The following MAGI2 variants were observed in gnomAD, a reference collection of about 807,000 sequenced individuals.
The protein encoded by MAGI2 is membrane associated guanylate kinase, WW and PDZ domain containing 2.
MAGI2 carries 35 observed loss-of-function variants against 133.3 expected under a neutral mutation model. The observed-to-expected ratio is 0.26, with a 90% CI of 0.20 to 0.35. The LOEUF (loss-of-function observed/expected upper bound fraction) is 0.35, where lower values mean the gene tolerates loss of function less well. Ranked by LOEUF, MAGI2 falls within the 10% of genes least tolerant of loss-of-function variation. The pLI, the probability that MAGI2 is intolerant of heterozygous loss-of-function variation, is 1.00. For missense variants in MAGI2, 1,636 were observed against 1,863.4 expected (o/e 0.88, Z 2.25); for synonymous variants, 729 against 710.6 (o/e 1.03, Z -0.41).
intron 6 of MAGI2, among the ~76,000 whole-genome samples, chr7:78,441,519 GT>G (rs1787631142): frequency 6.6e-6 from 1 of 152,064 alleles, no homozygotes; most frequent in African/African-American, 2.4e-5. Context: ...AGGGATTTTG[GT>G]TACCTAAGCT....
intron 2 of MAGI2, among the ~76,000 whole-genome samples, chr7:78,668,421 T>C (rs1259586618): frequency 6.6e-6 from 1 of 150,674 alleles, no homozygotes; most frequent in Non-Finnish European, 1.5e-5. Flanking sequence ...GTCAATTTTG[T>C]CTTTTGTTGC....
intron 2 of MAGI2, among the ~76,000 whole-genome samples, chr7:78,649,039 A>G (rs1811209875): frequency 6.6e-6 from 1 of 151,900 alleles, no homozygotes; most frequent in South Asian, 2.1e-4. Context: ...GTCAGCACCA[A>G]TGTGGTGATT....
intron 21 of MAGI2, among the ~76,000 whole-genome samples, chr7:78,048,740 C>G (rs1811693933): frequency 3.3e-5 from 5 of 152,132 alleles, no homozygotes; most frequent in Admixed American, 3.3e-4. Context: ...TAAGCAGTTC[C>G]ATCAATTTCT....
At chr7:79,111,252 C>T (rs941511684) in intron 1 of MAGI2, among the ~76,000 whole-genome samples, 1 of 152,144 alleles carries the variant, frequency 6.6e-6, no homozygotes, top group Non-Finnish European at 1.5e-5. Flanking sequence ...ATATCTATCT[C>T]TTATTATTTT....
In MAGI2 at chr7:78,549,249, T is replaced by C. The variant is rs116207897; in HGVS notation, c.539-27604A>G. On this transcript the variant is annotated intron_variant, in intron 3 of 21. Transcript: ENST00000354212. ...GCTGGCCTGCTATTCCCAGCTAGGC[T>C]ATGGTGTTCTCCTGTGGAACATCAA... is the stretch of plus-strand genomic sequence containing the variant. Among the ~76,000 whole-genome samples, 801 of 152,252 alleles carry C rather than the reference T, an allele frequency of 5.3e-3. 9 individuals carry two copies. Among genetic ancestry groups the C allele is most frequent in the African/African-American group, 0.015 (640 of 41,542 alleles).
At chr7:78,925,809 G>A (rs1455439525) in intron 2 of MAGI2, among the ~76,000 whole-genome samples, 2 of 151,874 alleles carry the variant, frequency 1.3e-5, no homozygotes, top group Admixed American at 6.6e-5. Flanking sequence ...TTTTAATAAT[G>A]CATCAGTTTT....
chr7:79,108,139 C>A (rs1818595091), intron 1 of MAGI2, among the ~76,000 whole-genome samples: 1 of 152,154 alleles, frequency 6.6e-6, no homozygotes, highest in Admixed American at 6.5e-5. Context: ...TGGAGGTGAC[C>A]TTGGTGATTC....
intron 1 of MAGI2, among the ~76,000 whole-genome samples, chr7:79,404,136 C>T (rs1484066762): frequency 6.6e-6 from 1 of 152,122 alleles, no homozygotes; most frequent in East Asian, 1.9e-4. Context: ...AAAATGACAC[C>T]TGGCAAGGAT....
At chr7:78,288,891 G>A (rs1022630442) in intron 9 of MAGI2, among the ~76,000 whole-genome samples, 18 of 152,200 alleles carry the variant, frequency 1.2e-4, no homozygotes, top group Admixed American at 1.2e-3. Flanking sequence ...TGAGGATCCT[G>A]ACTGTTAGAA....
At chr7:78,068,744 G>A (rs1162957419) in intron 21 of MAGI2, among the ~76,000 whole-genome samples, 2 of 152,212 alleles carry the variant, frequency 1.3e-5, no homozygotes, top group African/African-American at 4.8e-5. Flanking sequence ...GCATGGGCCT[G>A]GCTGAAGTGA....
At chr7:78,974,408 G>A (rs1268693859) in intron 2 of MAGI2, among the ~76,000 whole-genome samples, 1 of 151,790 alleles carries the variant, frequency 6.6e-6, no homozygotes, top group Non-Finnish European at 1.5e-5. Context: ...ATGAAAAGAA[G>A]TACAGTATAA....
At chr7:79,338,301 A>T (rs1840639969) in intron 1 of MAGI2, among the ~76,000 whole-genome samples, 1 of 152,142 alleles carries the variant, frequency 6.6e-6, no homozygotes, top group Non-Finnish European at 1.5e-5. Context: ...TTAGAAACAG[A>T]CAAATCCACC....
chr7:79,047,633 C>T (rs183815289), intron 1 of MAGI2, among the ~76,000 whole-genome samples: 8 of 152,020 alleles, frequency 5.3e-5, no homozygotes, highest in Admixed American at 2.0e-4. Flanking sequence ...TGAAAAAATA[C>T]ACAGTTCTTC....
intron 20 of MAGI2, among the ~76,000 whole-genome samples, chr7:78,100,910 A>G (rs141287260): frequency 2.6e-5 from 4 of 152,324 alleles, no homozygotes; most frequent in African/African-American, 9.6e-5. Flanking sequence ...TACATTAACA[A>G]TGTTATATCT....
intron 1 of MAGI2, 111 bp from the exon 2 acceptor site, chr7:79,007,317 A>T (rs113360639): frequency 6.4e-6 from 4 of 625,058 alleles, no homozygotes; most frequent in Non-Finnish European, 1.1e-5. Flanking sequence ...GCATTATTTC[A>T]AAGTGTTCTT....
At chr7:78,971,931 C>T (rs1375043041) in intron 2 of MAGI2, among the ~76,000 whole-genome samples, 1 of 151,678 alleles carries the variant, frequency 6.6e-6, no homozygotes, top group East Asian at 1.9e-4. Flanking sequence ...AAATGTATTC[C>T]TAGTACATTT....
intron 2 of MAGI2, among the ~76,000 whole-genome samples, chr7:78,750,356 G>A (rs542994102): frequency 6.6e-6 from 1 of 152,122 alleles, no homozygotes; most frequent in South Asian, 2.1e-4. Context: ...GTGTACGTGT[G>A]CATGTGTCTT....
intron 2 of MAGI2, among the ~76,000 whole-genome samples, chr7:78,662,943 A>G (rs1486029139): frequency 6.6e-6 from 1 of 152,198 alleles, no homozygotes; most frequent in Non-Finnish European, 1.5e-5. Context: ...CACTTACAGA[A>G]TAGTAATCTA....
At chr7:78,660,234 C>A (rs138149485) in intron 2 of MAGI2, among the ~76,000 whole-genome samples, 1 of 152,064 alleles carries the variant, frequency 6.6e-6, no homozygotes, top group Non-Finnish European at 1.5e-5. Context: ...AACAAACCTG[C>A]ACGTTGTACA....
Sources: allele counts gnomAD v4.1 joint callset (sites outside exome capture counted in the v4.1 genomes callset), GRCh38; gene constraint gnomAD v4.1.1; transcripts MANE v1.5; gene names NCBI Gene and HGNC (gene_info 2026-07-23, HGNC 2026-07-21).